BEND2: variants seen among roughly 807,000 people sequenced by gnomAD.
The protein encoded by BEND2 is BEN domain-containing protein 2.
In BEND2, 19 loss-of-function variants were observed where a neutral mutation model predicts 43.8. The observed-to-expected ratio is 0.43, with a 90% CI of 0.30 to 0.64. The LOEUF (loss-of-function observed/expected upper bound fraction) is 0.64. BEND2 is among the 30% of genes least tolerant of loss of function. The pLI is 0.11. For synonymous variants in BEND2, 226 were observed against 210.1 expected, an observed-to-expected ratio of 1.08 and a Z score of -0.66; for missense variants, 544 against 574.0, an observed-to-expected ratio of 0.95 and a Z score of 0.53.
intron 13 of BEND2, among the ~76,000 whole-genome samples, 172 bp from the exon 14 acceptor site, chrX:18,165,395 A>G (rs974047099): frequency 8.9e-6 from 1 of 112,271 alleles, no homozygotes; most frequent in Admixed American, 9.5e-5. Context: ...TTTTAATCTA[A>G]AAAGAGAACT....
At chrX:18,185,183 G>A (rs183068617) in intron 8 of BEND2, among the ~76,000 whole-genome samples, 87 of 109,765 alleles carry the variant, frequency 7.9e-4, no homozygotes, top group African/African-American at 2.8e-3. Flanking sequence ...GCAAATCTAA[G>A]AGTTATTGGC....
At chrX:18,168,026 A>G (rs1027657812) in intron 13 of BEND2, among the ~76,000 whole-genome samples, 6 of 112,602 alleles carry the variant, frequency 5.3e-5, no homozygotes, top group African/African-American at 1.9e-4. Context: ...TTCTGGAGGG[A>G]AATGTTAATA....
Position 18,213,755 on chromosome X carries a change from T to C in BEND2, c.376+19A>G. 6.4e-6 allele frequency: 1 copy of C among 155,376 alleles called. No individual in the cohort carries two copies. The highest frequency in any genetic ancestry group is 1.2e-5 in the Non-Finnish European group (1 of 80,881). 12.8% of individuals were successfully genotyped at this position (155,376 alleles called of 1,213,427 possible). ...AGCAAGATATCATCTCTACTAAAAA[T>C]AAAAATAAAAATAAATACCTGGGCA... On this transcript the variant is annotated intron_variant, in intron 3 of 13. Coordinates refer to ENST00000380033, the MANE Select transcript of BEND2 (RefSeq NM_153346.5).
chrX:18,177,792 G>A, intron 9 of BEND2, 23 bp from the exon 10 acceptor site: 1 of 1,165,112 alleles, frequency 8.6e-7, no homozygotes, highest in South Asian at 1.8e-5. Flanking sequence ...AGAGAAAAAG[G>A]AACATCCTTG....
intron 8 of BEND2, among the ~76,000 whole-genome samples, chrX:18,181,411 A>G (rs1924382902): frequency 9.0e-6 from 1 of 111,171 alleles, no homozygotes; most frequent in Non-Finnish European, 1.9e-5. Flanking sequence ...CCTGAAAACA[A>G]TCCAAGTGTC....
chrX:18,180,722 A>ATTTC, intron 8 of BEND2, 72 bp from the exon 9 acceptor site: 1 of 742,971 alleles, frequency 1.3e-6, no homozygotes, highest in Non-Finnish European at 2.0e-6. Context: ...GAGGGGAAAT[A>ATTTC]CACTCTCAGA....
chrX:18,199,182 C>T (rs1175399940), intron 6 of BEND2, among the ~76,000 whole-genome samples: 1 of 108,913 alleles, frequency 9.2e-6, no homozygotes, highest in African/African-American at 3.3e-5. Context: ...TGCACATGTA[C>T]CCTAAAACTT....
chrX:18,199,208 T>C (rs992409194), intron 6 of BEND2, among the ~76,000 whole-genome samples: 3 of 110,534 alleles, frequency 2.7e-5, no homozygotes, highest in African/African-American at 9.9e-5. Context: ...ATAATAATAA[T>C]AAATAAATAA....
chrX:18,165,285 C>T, intron 13 of BEND2, 62 bp from the exon 14 acceptor site: 1 of 958,030 alleles, frequency 1.0e-6, no homozygotes, highest in Non-Finnish European at 1.5e-6. Flanking sequence ...GAAATCAATT[C>T]ATTCAACTTT....
intron 13 of BEND2, among the ~76,000 whole-genome samples, chrX:18,167,282 G>C (rs1006692569): frequency 3.0e-5 from 3 of 101,076 alleles, no homozygotes; most frequent in African/African-American, 1.1e-4. Context: ...CTGTCTCAAA[G>C]AAAAAAAAAG....
At position 18,163,142 on chromosome X, in the gene BEND2, A is replaced by G. The variant is rs1001459366; in HGVS notation, c.*1867T>C. 8.9e-6 allele frequency: 1 copy of G among 111,827 alleles called. No individual in the cohort carries two copies. Among genetic ancestry groups the G allele is most frequent in the Admixed American group, 9.5e-5 (1 of 10,514 alleles). The allele number at this position is 111,827 out of a possible 1,213,427, so 9.2% of individuals were successfully genotyped here. ...ATAAAATACAAAACACCTTTATAAA[A>G]TGTATTTTGTCCAGTCAAATGTGAT... On this transcript the variant is annotated 3_prime_UTR_variant, in exon 14 of 14. Coordinates refer to ENST00000380033, the MANE Select transcript of BEND2 (RefSeq NM_153346.5).
intron 6 of BEND2, among the ~76,000 whole-genome samples, chrX:18,201,396 C>CAAAAAAA (rs1227049211): frequency 1.0e-3 from 21 of 20,608 alleles, no homozygotes; most frequent in African/African-American, 3.4e-3. Flanking sequence ...AACTCCATCT[C>CAAAAAAA]AAAAAAAAAA....
At chrX:18,177,058 A>C (rs1372956170) in intron 10 of BEND2, among the ~76,000 whole-genome samples, 2 of 110,765 alleles carry the variant, frequency 1.8e-5, no homozygotes, top group Non-Finnish European at 3.8e-5. Context: ...CCTCATAGGC[A>C]GAAACACTTA....
At chrX:18,200,502 C>CAAAAA (rs397895069) in intron 6 of BEND2, among the ~76,000 whole-genome samples, 4 of 38,650 alleles carry the variant, frequency 1.0e-4, no homozygotes, top group Non-Finnish European at 1.9e-4. Flanking sequence ...GACTCTGTCT[C>CAAAAA]AAAAAAAAAA....
intron 10 of BEND2, among the ~76,000 whole-genome samples, chrX:18,176,608 G>A (rs1924167324): frequency 9.1e-6 from 1 of 109,464 alleles, no homozygotes; most frequent in African/African-American, 3.3e-5. Flanking sequence ...GAGCCCAGGA[G>A]TTCGAGGCTG....
chrX:18,218,520 C>A (rs1925741478), intron 1 of BEND2, among the ~76,000 whole-genome samples: 1 of 112,344 alleles, frequency 8.9e-6, no homozygotes, highest in Admixed American at 9.4e-5. Flanking sequence ...TTTAGGTGTA[C>A]ACATAACTTT....
At chrX:18,196,514 A>C (rs1035276958) in intron 6 of BEND2, among the ~76,000 whole-genome samples, 1 of 110,189 alleles carries the variant, frequency 9.1e-6, no homozygotes, top group East Asian at 2.9e-4. Flanking sequence ...CAGTATAGGA[A>C]TGTTCAGAGC....
At chrX:18,173,103 C>A (rs188102788) in intron 12 of BEND2, among the ~76,000 whole-genome samples, 2 of 111,478 alleles carry the variant, frequency 1.8e-5, no homozygotes, top group Admixed American at 1.9e-4. Context: ...AGACTCCACA[C>A]ACACTGCAGT....
intron 8 of BEND2, among the ~76,000 whole-genome samples, chrX:18,185,687 C>A (rs1475448618): frequency 9.1e-6 from 1 of 109,566 alleles, no homozygotes; most frequent in Non-Finnish European, 1.9e-5. Context: ...ATCAAACTCT[C>A]AAAGGGCAAG....
Sources: allele counts gnomAD v4.1 joint callset (sites outside exome capture counted in the v4.1 genomes callset), GRCh38; gene constraint gnomAD v4.1.1; transcripts MANE v1.5; gene names NCBI Gene and HGNC (gene_info 2026-07-23, HGNC 2026-07-21).